AFAP1: variants seen among roughly 807,000 people sequenced by gnomAD.
AFAP1 encodes actin filament-associated protein 1.
A neutral mutation model predicts 93.9 loss-of-function variants in AFAP1; 75 were observed. The observed-to-expected ratio is 0.80, with a 90% CI of 0.66 to 0.97. The LOEUF (loss-of-function observed/expected upper bound fraction) is 0.97, where lower values mean the gene tolerates loss of function less well. Among genes scored for constraint, AFAP1 ranks in the 50% least tolerant of loss-of-function variants. The pLI, the probability that AFAP1 is intolerant of heterozygous loss-of-function variation, is 0.00. For synonymous variants in AFAP1, 517 were observed against 430.7 expected, an observed-to-expected ratio of 1.20 and a Z score of -2.48; for missense variants, 1,201 against 1,050.8, an observed-to-expected ratio of 1.14 and a Z score of -1.98.
At chr4:7,810,696 C>G (rs1246432569) in intron 8 of AFAP1, among the ~76,000 whole-genome samples, 1 of 152,208 alleles carries the variant, frequency 6.6e-6, no homozygotes, top group Non-Finnish European at 1.5e-5. Context: ...AAAAATGATG[C>G]CTGGCTTCCT....
Position 7,762,920 on chromosome 4 carries a change from T to G in AFAP1, c.*845A>C, listed in dbSNP as rs1714015633. On this transcript the variant is annotated 3_prime_UTR_variant, in exon 18 of 18. Coordinates refer to ENST00000420658, the MANE Select transcript of AFAP1 (RefSeq NM_001134647.2). Reference sequence around the variant, plus strand: ...CCTGGTGTGAGAAGCACCTGCCGGCTCCGACGTGGATTAAGGGCTGGGGAT... The same window carrying G: ...CCTGGTGTGAGAAGCACCTGCCGGCGCCGACGTGGATTAAGGGCTGGGGAT... 2.0e-5 allele frequency: 3 copies of G among 152,438 alleles called. No homozygotes were observed. The highest frequency in any genetic ancestry group is 2.0e-4 in the Admixed American group (3 of 15,298). The allele number at this position is 152,438 out of a possible 1,614,324, so 9.4% of individuals were successfully genotyped here.
intron 4 of AFAP1, among the ~76,000 whole-genome samples, chr4:7,851,806 T>A (rs929266760): frequency 6.6e-6 from 1 of 152,158 alleles, no homozygotes; most frequent in African/African-American, 2.4e-5. Flanking sequence ...CCCTGGGATA[T>A]CAGCTGGCAC....
chr4:7,796,917 C>G (rs772282634), intron 10 of AFAP1, among the ~76,000 whole-genome samples: 3 of 151,216 alleles, frequency 2.0e-5, no homozygotes, highest in Non-Finnish European at 4.4e-5. Context: ...AAAAAATTAG[C>G]CAGGTGTGGT....
chr4:7,872,981 G>A (rs1285336630), intron 1 of AFAP1, among the ~76,000 whole-genome samples: 12 of 147,668 alleles, frequency 8.1e-5, no homozygotes, highest in African/African-American at 3.0e-4. Context: ...TGGGCGCGGT[G>A]GCTCACGTCT....
At chr4:7,856,143 G>C (rs1245699616) in intron 3 of AFAP1, among the ~76,000 whole-genome samples, 2 of 152,098 alleles carry the variant, frequency 1.3e-5, no homozygotes, top group East Asian at 1.9e-4. Context: ...TTGTGTGCTA[G>C]GAAAACTTTA....
chr4:7,772,855 C>T lies in AFAP1; in HGVS notation c.2218G>A (p.Ala740Thr), dbSNP rs753024667. ...GATGTCCCTGACTTGGGCTCGATGG[C>T]CAGCCCCAGGGTGACTCCGCCCGCC... ...ALAGGVTLGLAIEPKSGTSSP... is the reference protein window; with the variant it reads ...ALAGGVTLGLTIEPKSGTSSP... The change falls in exon 16 of 18, where the codon GCC (alanine) becomes ACC (threonine). Residue 740 changes from alanine (A) to threonine (T), a missense_variant. Ala to Thr is a moderately conservative substitution (Grantham distance 58). Transcript: ENST00000420658. 4 of 1,614,016 alleles carry T rather than the reference C, an allele frequency of 2.5e-6. No individual in the cohort carries two copies. Among genetic ancestry groups the T allele is most frequent in the Non-Finnish European group, 3.4e-6 (4 of 1,179,986 alleles).
At chr4:7,891,259 C>T (rs1053588197) in intron 1 of AFAP1, among the ~76,000 whole-genome samples, 2 of 152,146 alleles carry the variant, frequency 1.3e-5, no homozygotes, top group South Asian at 2.1e-4. Flanking sequence ...AGCGGTTGCC[C>T]GGGTCTGTGT....
intron 3 of AFAP1, among the ~76,000 whole-genome samples, chr4:7,858,285 A>G (rs1417433397): frequency 6.6e-6 from 1 of 152,214 alleles, no homozygotes; most frequent in Non-Finnish European, 1.5e-5. Context: ...TCTACATGCA[A>G]TCTGGACTGC....
rs1717099450 is a variant in AFAP1 at position 7,872,045 on chromosome 4, G to C, written c.34C>G (p.Leu12Val). The change falls in exon 2 of 18, where the codon CTT becomes GTT. Residue 12 changes from leucine to valine, a missense_variant. Physicochemically the swap from Leu to Val is conservative, Grantham distance 32. Transcript: ENST00000420658. ...AGATATTCATGGTCCAGGAGTTCAA[G>C]AAAGAGACGAAGTTCAACTATTAAC... is the stretch of plus-strand genomic sequence containing the variant. ...EELIVELRLF[L>V]ELLDHEYLTS... The C allele has an allele frequency of 1.2e-6, 2 of 1,613,964 alleles. No homozygotes were observed.
In AFAP1 at chr4:7,781,384, T is replaced by C. The variant is rs1716753350; in HGVS notation, c.1774A>G (p.Asn592Asp). Residue 592 changes from asparagine to aspartate, a missense_variant, in exon 13 of 18, where the codon AAC becomes GAC. Asn to Asp is a conservative substitution (Grantham distance 23, BLOSUM62 1). Coordinates refer to ENST00000420658, the MANE Select transcript of AFAP1 (RefSeq NM_001134647.2). ...SSVGRASLGL[N>D]SQLKGKKPPV... is the part of the protein sequence containing the mutation. ...AGAAGAAGATGCCGTACCTGCGAGT[T>C]GAGCCCGAGAGACGCCCTCCCCACA... The C allele has an allele frequency of 6.4e-7, 1 of 1,551,462 alleles. No individual in the cohort carries two copies.
intron 2 of AFAP1, among the ~76,000 whole-genome samples, chr4:7,868,961 GAAAAGAGAAAAGAA>G (rs1716746345): frequency 7.8e-6 from 1 of 127,970 alleles, no homozygotes; most frequent in East Asian, 2.2e-4. Context: ...GAAAGGGAAA[GAAAAGAGAAAAGAA>G]AAAAGAAAAA....
Position 7,894,237 on chromosome 4 carries a change from G to A in AFAP1, c.-2-22157C>T, listed in dbSNP as rs180787187. ...TAATGTTTTATCGGAACACAGACAC[G>A]TCCATTCATTTATGTATCACCTACA... On this transcript the variant is annotated intron_variant, in intron 1 of 17. Coordinates refer to ENST00000420658, the MANE Select transcript of AFAP1 (RefSeq NM_001134647.2). 6.8e-4 allele frequency among the ~76,000 whole-genome samples: 103 copies of A among 152,204 alleles called. No individual in the cohort carries two copies. In the East Asian group the frequency reaches 7.3e-3, roughly 11 times the overall value.
intron 13 of AFAP1, 47 bp downstream of exon 13, chr4:7,781,329 T>C: frequency 1.3e-6 from 2 of 1,539,576 alleles, no homozygotes; most frequent in Non-Finnish European, 8.8e-7. Context: ...GTTGGAGCAA[T>C]GTGACTTGAA....
Position 7,821,048 on chromosome 4 carries a change from G to T in AFAP1, c.727-1877C>A, listed in dbSNP as rs141620962. ...CAGAAGAATCTCTTGAACCCAGGAG[G>T]CAGAGGTTGCGGTGAGCCGAGATCG... On this transcript the variant is annotated intron_variant, in intron 6 of 17. Coordinates refer to ENST00000420658, the MANE Select transcript of AFAP1 (RefSeq NM_001134647.2). Among the ~76,000 whole-genome samples, 14 of 152,272 alleles carry T rather than the reference G, an allele frequency of 9.2e-5. No individual in the cohort carries two copies. In the East Asian group the frequency reaches 2.7e-3, roughly 29 times the overall value.
intron 10 of AFAP1, among the ~76,000 whole-genome samples, chr4:7,798,655 G>A (rs1258894730): frequency 5.9e-5 from 9 of 152,184 alleles, no homozygotes; most frequent in East Asian, 1.9e-4. Flanking sequence ...AGGAAACTGC[G>A]TCTACTCACT....
intron 3 of AFAP1, among the ~76,000 whole-genome samples, chr4:7,864,045 C>CCATTCCCAACTTCCCATCACAACT (rs1716082437): frequency 6.7e-4 from 1 of 1,500 alleles, no homozygotes; most frequent in Non-Finnish European, 1.7e-3. Context: ...CCATCACAAC[C>CCATTCCCAACTTCCCATCACAACT]CATTCCCAAC....
At chr4:7,818,217 G>A (rs527828435) in intron 7 of AFAP1, among the ~76,000 whole-genome samples, 18 of 152,114 alleles carry the variant, frequency 1.2e-4, no homozygotes, top group South Asian at 4.1e-4. Flanking sequence ...TCCTGCAGAC[G>A]CCTTCACACT....
At chr4:7,813,411 T>C (rs1039740560) in intron 8 of AFAP1, among the ~76,000 whole-genome samples, 4 of 152,192 alleles carry the variant, frequency 2.6e-5, no homozygotes, top group African/African-American at 9.7e-5. Context: ...TTCCAAAGCA[T>C]AGAAGGTTGT....
At chr4:7,791,851 AC>A (rs778138063) in intron 11 of AFAP1, among the ~76,000 whole-genome samples, 13 of 136,744 alleles carry the variant, frequency 9.5e-5, no homozygotes, top group Middle Eastern at 3.6e-3. Flanking sequence ...TCAAAAAAAA[AC>A]AAAAACAAAA....
Sources: gnomAD v4.1 joint callset for allele counts (sites outside exome capture counted in the v4.1 genomes callset) on GRCh38, gnomAD v4.1.1 for gene constraint, MANE v1.5 for transcripts, NCBI Gene and HGNC (gene_info 2026-07-23, HGNC 2026-07-21) for gene names.